CNBD1: variants seen among roughly 807,000 people sequenced by gnomAD.
CNBD1 encodes the protein cyclic nucleotide-binding domain-containing protein 1.
CNBD1 carries 71 observed loss-of-function variants against 54.4 expected under a neutral mutation model. The ratio of observed to expected loss-of-function variants is 1.30; its 90% CI spans 1.08 to 1.59. CNBD1 has a LOEUF of 1.59. Among genes scored for constraint, CNBD1 ranks in the 40% most tolerant of loss-of-function variants. The pLI is 0.00. For synonymous variants in CNBD1, 182 were observed against 170.7 expected (o/e 1.07, Z -0.51); for missense variants, 659 against 518.0 (o/e 1.27, Z -2.64).
intron 4 of CNBD1, among the ~76,000 whole-genome samples, chr8:87,006,663 A>G (rs1483841059): frequency 2.0e-5 from 3 of 152,164 alleles, no homozygotes; most frequent in East Asian, 3.9e-4. Context: ...ACCAGGTATC[A>G]TGAAGCAGCA....
At chr8:87,131,251 CT>C (rs1176238002) in intron 4 of CNBD1, among the ~76,000 whole-genome samples, 1 of 151,922 alleles carries the variant, frequency 6.6e-6, no homozygotes, top group Non-Finnish European at 1.5e-5. Flanking sequence ...CTTTTTATTT[CT>C]CTGGTATTTG....
At chr8:87,324,884 A>C (rs1204812425) in intron 8 of CNBD1, among the ~76,000 whole-genome samples, 1 of 109,804 alleles carries the variant, frequency 9.1e-6, no homozygotes, top group Non-Finnish European at 1.9e-5. Context: ...AGTTCTTTTA[A>C]TTGTGATATT....
chr8:87,037,247 G>A (rs922905370), intron 4 of CNBD1, among the ~76,000 whole-genome samples: 2 of 151,922 alleles, frequency 1.3e-5, no homozygotes, highest in African/African-American at 4.8e-5. Flanking sequence ...TTTAAAAAAC[G>A]GTATTTATTC....
intron 4 of CNBD1, among the ~76,000 whole-genome samples, chr8:87,164,690 T>C (rs201885264): frequency 2.2e-4 from 34 of 151,700 alleles, no homozygotes; most frequent in African/African-American, 8.0e-4. Context: ...CTTTAGTCCA[T>C]CTAAAGTTTC....
chr8:87,303,779 C>T (rs1324111002), intron 8 of CNBD1, among the ~76,000 whole-genome samples: 1 of 125,804 alleles, frequency 7.9e-6, no homozygotes, highest in East Asian at 2.0e-4. Context: ...TGAACTCAAA[C>T]AAATTTACAA....
intron 10 of CNBD1, among the ~76,000 whole-genome samples, chr8:87,354,948 G>T (rs1239117296): frequency 6.6e-6 from 1 of 152,114 alleles, no homozygotes; most frequent in African/African-American, 2.4e-5. Flanking sequence ...GTCCATCAGA[G>T]AAATGCAAAT....
intron 4 of CNBD1, among the ~76,000 whole-genome samples, chr8:87,046,210 A>G (rs1262025021): frequency 6.6e-6 from 1 of 152,124 alleles, no homozygotes; most frequent in East Asian, 1.9e-4. Context: ...TTGCATCATA[A>G]TAGAGATATT....
At chr8:87,007,873 T>C (rs1809134840) in intron 4 of CNBD1, among the ~76,000 whole-genome samples, 1 of 152,046 alleles carries the variant, frequency 6.6e-6, no homozygotes, top group African/African-American at 2.4e-5. Flanking sequence ...CTGTTTTTTG[T>C]CCTTTATAGG....
intron 8 of CNBD1, among the ~76,000 whole-genome samples, chr8:87,301,703 C>G (rs953227941): frequency 5.3e-5 from 8 of 152,112 alleles, no homozygotes; most frequent in Middle Eastern, 3.4e-3. Context: ...AATCCAGGAC[C>G]TGGTTTTTTG....
At chr8:87,399,414 A>G (rs1054060214) in intron 2 of CNBD1, among the ~76,000 whole-genome samples, 1 of 152,042 alleles carries the variant, frequency 6.6e-6, no homozygotes, top group South Asian at 2.1e-4. Flanking sequence ...ATTTGTGAAC[A>G]TTATGAAGGA....
chr8:87,296,185 G>T (rs998862280), intron 8 of CNBD1, among the ~76,000 whole-genome samples: 1 of 152,068 alleles, frequency 6.6e-6, no homozygotes, highest in Non-Finnish European at 1.5e-5. Flanking sequence ...ATTCGTATTG[G>T]ATGTTGTGAT....
chr8:87,256,754 C>G (rs1476102706), intron 6 of CNBD1, among the ~76,000 whole-genome samples: 19 of 151,418 alleles, frequency 1.3e-4, no homozygotes, highest in Admixed American at 9.2e-4. Context: ...TTGGGAGAAA[C>G]CATCCTGGTT....
intron 2 of CNBD1, among the ~76,000 whole-genome samples, chr8:86,899,137 A>C (rs1031934583): frequency 6.6e-5 from 10 of 152,112 alleles, no homozygotes; most frequent in Admixed American, 2.0e-4. Context: ...GCAAATACAG[A>C]GATAGAGAAC....
At position 87,377,157 on chromosome 8, in the gene CNBD1, ATAT is replaced by A. The variant is rs1429396203; in HGVS notation, c.1304-5453_1304-5451del. 7.1e-5 allele frequency among the ~76,000 whole-genome samples: 10 copies of A among 140,392 alleles called. No individual in the cohort carries two copies. The East Asian group carries it at 1.6e-3, about 23-fold the overall frequency. The allele number at this position is 140,392 out of a possible 152,430, so 92.1% of individuals were successfully genotyped here. A position where few individuals can be genotyped will look rare whatever the true frequency, so the allele number is the denominator to read the frequency against. On this transcript the variant is annotated intron_variant, in intron 10 of 10. Coordinates refer to ENST00000518476, the MANE Select transcript of CNBD1 (RefSeq NM_173538.3). Reference sequence around the variant, plus strand: ...ATTTATTTTTTTATGATTATTATTTATATTATTATTATACTTTAAGTTTTACGG... The same window carrying A: ...ATTTATTTTTTTATGATTATTATTTATATTATTATACTTTAAGTTTTACGG...
intron 4 of CNBD1, among the ~76,000 whole-genome samples, chr8:87,152,870 T>A (rs1429353874): frequency 6.6e-6 from 1 of 152,220 alleles, no homozygotes; most frequent in Non-Finnish European, 1.5e-5. Context: ...TTTAGGAAGT[T>A]GTGTTATATT....
In CNBD1 at chr8:87,137,963, GA is replaced by G. The variant is rs200492030; in HGVS notation, c.432-68024del. On this transcript the variant is annotated intron_variant, in intron 4 of 10. Coordinates refer to ENST00000518476, the MANE Select transcript of CNBD1 (RefSeq NM_173538.3). ...ATTTTGTTCTTGAAGCCCTTGGGGG[GA>G]AAAAAGGAGAAGCATAATCTTTATT... Among the ~76,000 whole-genome samples the G allele has an allele frequency of 2.2e-3, 341 of 151,908 alleles. 6 individuals carry two copies. The East Asian group carries it at 0.027, about 12-fold the overall frequency.
chr8:87,147,151 C>CT (rs773120733), intron 4 of CNBD1, among the ~76,000 whole-genome samples: 12 of 152,118 alleles, frequency 7.9e-5, no homozygotes, highest in Admixed American at 7.2e-4. Context: ...TTCTTAGAGG[C>CT]TTTTCTGACT....
chr8:86,881,166 G>C (rs1202343181), intron 1 of CNBD1, among the ~76,000 whole-genome samples: 3 of 152,164 alleles, frequency 2.0e-5, no homozygotes, highest in Non-Finnish European at 4.4e-5. Flanking sequence ...AGTATTGGAA[G>C]TTCTGGCCAG....
chr8:87,402,283 G>A (rs1171598157), intron 2 of CNBD1, among the ~76,000 whole-genome samples: 2 of 151,920 alleles, frequency 1.3e-5, no homozygotes, highest in Admixed American at 6.6e-5. Context: ...GGAGCTATAA[G>A]TCAAGATGAG....
Sources: gnomAD v4.1 joint callset for allele counts (sites outside exome capture counted in the v4.1 genomes callset) on GRCh38, gnomAD v4.1.1 for gene constraint, MANE v1.5 for transcripts, NCBI Gene and HGNC (gene_info 2026-07-23, HGNC 2026-07-21) for gene names.